Variants in ST3GAL3 observed in about 807,000 individuals in gnomAD.
ST3GAL3 encodes ST3 beta-galactoside alpha-2,3-sialyltransferase 3.
Under a neutral mutation model 50.1 loss-of-function variants are expected in ST3GAL3, and 21 were observed. The observed-to-expected ratio is 0.42, with a 90% CI of 0.30 to 0.60. The LOEUF (loss-of-function observed/expected upper bound fraction) is 0.60. ST3GAL3 is among the 20% of genes least tolerant of loss of function. The pLI, the probability that ST3GAL3 is intolerant of heterozygous loss-of-function variation, is 0.19. For missense variants in ST3GAL3, 353 were observed against 489.4 expected (o/e 0.72, Z 2.63); for synonymous variants, 183 against 190.0 (o/e 0.96, Z 0.30).
Position 43,783,070 on chromosome 1 carries a change from T to A in ST3GAL3, c.119-9032T>A, listed in dbSNP as rs865995421. Among the ~76,000 whole-genome samples, 16 of 134,184 alleles carry A rather than the reference T, an allele frequency of 1.2e-4. No individual in the cohort carries two copies. The South Asian group carries it at 3.8e-3, about 32-fold the overall frequency. 88.0% of individuals were successfully genotyped at this position (134,184 alleles called of 152,430 possible). On this transcript the variant is annotated intron_variant, in intron 2 of 11. Transcript: ENST00000347631. Reference sequence around the variant, plus strand: ...TCTAGTTTGAGGGGGCTCAGATAAATTTTGAACTTTGTGTTACTCTTTTTA... The same window carrying A: ...TCTAGTTTGAGGGGGCTCAGATAAAATTTGAACTTTGTGTTACTCTTTTTA...
chr1:43,715,037 G>T (rs539515099), intron 1 of ST3GAL3, among the ~76,000 whole-genome samples: 57 of 152,206 alleles, frequency 3.7e-4, no homozygotes, highest in African/African-American at 1.3e-3. Context: ...TAACTGAAAG[G>T]TGGCATGTTT....
chr1:43,757,354 C>T (rs1446853398), intron 2 of ST3GAL3, among the ~76,000 whole-genome samples: 1 of 152,104 alleles, frequency 6.6e-6, no homozygotes, highest in African/African-American at 2.4e-5. Context: ...AATAGTCAAA[C>T]CATTTTGAAA....
At chr1:43,854,212 T>C (rs1355159519) in intron 5 of ST3GAL3, among the ~76,000 whole-genome samples, 2 of 152,320 alleles carry the variant, frequency 1.3e-5, no homozygotes, top group Non-Finnish European at 2.9e-5. Flanking sequence ...ACCAGGAATA[T>C]GCAAGACTTG....
intron 1 of ST3GAL3, among the ~76,000 whole-genome samples, chr1:43,712,461 C>G (rs1186001000): frequency 6.6e-6 from 1 of 152,158 alleles, no homozygotes; most frequent in African/African-American, 2.4e-5. Flanking sequence ...TAAGCTCTGC[C>G]AGGCTCTGTG....
chr1:43,860,528 G>A (rs947902501), intron 5 of ST3GAL3, among the ~76,000 whole-genome samples: 1 of 152,252 alleles, frequency 6.6e-6, no homozygotes, highest in Non-Finnish European at 1.5e-5. Flanking sequence ...ACAGCTGCAT[G>A]TAGAGTGAGG....
intron 4 of ST3GAL3, among the ~76,000 whole-genome samples, chr1:43,828,376 T>G (rs1028577549): frequency 6.6e-6 from 1 of 152,072 alleles, no homozygotes; most frequent in African/African-American, 2.4e-5. Flanking sequence ...AAAGCAAAAT[T>G]CAGAAAAGAA....
At chr1:43,878,217 C>T (rs1262019774) in intron 5 of ST3GAL3, among the ~76,000 whole-genome samples, 2 of 152,146 alleles carry the variant, frequency 1.3e-5, no homozygotes, top group Non-Finnish European at 2.9e-5. Flanking sequence ...AATCTCTCTC[C>T]ACCTCTCTCC....
At chr1:43,816,509 A>G (rs1338087558) in intron 4 of ST3GAL3, among the ~76,000 whole-genome samples, 5 of 152,226 alleles carry the variant, frequency 3.3e-5, no homozygotes, top group Admixed American at 1.3e-4. Context: ...GTACTCTGGA[A>G]AAAAACAAAT....
intron 5 of ST3GAL3, among the ~76,000 whole-genome samples, chr1:43,889,660 A>G (rs2076437397): frequency 2.0e-5 from 3 of 152,208 alleles, no homozygotes; most frequent in Admixed American, 2.0e-4. Flanking sequence ...ACCATTATAT[A>G]CATTTTCTAT....
At chr1:43,759,101 A>C (rs1689296893) in intron 2 of ST3GAL3, among the ~76,000 whole-genome samples, 1 of 148,774 alleles carries the variant, frequency 6.7e-6, no homozygotes, top group Admixed American at 6.7e-5. Flanking sequence ...ACACACACAC[A>C]CACACAGAAG....
At chr1:43,743,843 TCC>T (rs10599480) in intron 2 of ST3GAL3, 46,019 of 136,768 alleles carry the variant, frequency 0.34, 7,401 homozygotes, top group Non-Finnish European at 0.36. Flanking sequence ...ATTCTTTCAT[TCC>T]CCCCCCCCCC....
At position 43,838,297 on chromosome 1, in the gene ST3GAL3, G is replaced by C; in HGVS notation, c.288G>C (p.Thr96=). 1 of 1,613,510 alleles carries C rather than the reference G, an allele frequency of 6.2e-7. No individual in the cohort carries two copies. The highest frequency in any genetic ancestry group is 1.1e-5 in the South Asian group (1 of 91,066). ...CKPGYASALM[T]AIFPRFSKPA... Reference sequence around the variant, plus strand: ...CTGGCTATGCTTCAGCCTTGATGACGGCCATCTTCCCCCGGTAAGTGCTCC... The same window carrying C: ...CTGGCTATGCTTCAGCCTTGATGACCGCCATCTTCCCCCGGTAAGTGCTCC... The change falls in exon 5 of 12, where the codon ACG becomes ACC. Residue 96 remains threonine, a synonymous_variant. Coordinates refer to ENST00000347631, the MANE Select transcript of ST3GAL3 (RefSeq NM_006279.5).
chr1:43,774,744 T>C (rs1696541401), intron 2 of ST3GAL3, among the ~76,000 whole-genome samples: 1 of 152,230 alleles, frequency 6.6e-6, no homozygotes, highest in African/African-American at 2.4e-5. Flanking sequence ...TTCCAGATCC[T>C]GTTTTATAGC....
chr1:43,857,636 C>CTTCCTTCCTTCG (rs1558606445), intron 5 of ST3GAL3, among the ~76,000 whole-genome samples: 2 of 147,062 alleles, frequency 1.4e-5, no homozygotes, highest in Admixed American at 1.4e-4. Flanking sequence ...TCCTTCCTTC[C>CTTCCTTCCTTCG]TCGGAGTCTT....
chr1:43,716,785 T>G (rs60366622), intron 1 of ST3GAL3, among the ~76,000 whole-genome samples: 10,796 of 152,086 alleles, frequency 0.071, 1,282 homozygotes, highest in African/African-American at 0.25. Flanking sequence ...CAAGAGAGGT[T>G]TATAAATAGG....
chr1:43,718,852 T>G (rs1668870153), intron 1 of ST3GAL3: 1 of 151,966 alleles, frequency 6.6e-6, no homozygotes, highest in African/African-American at 2.4e-5. Context: ...CACGCTTGGT[T>G]AATTTTTGTA....
intron 2 of ST3GAL3, among the ~76,000 whole-genome samples, chr1:43,751,464 A>G (rs1686040824): frequency 6.6e-6 from 1 of 152,242 alleles, no homozygotes; most frequent in Admixed American, 6.5e-5. Context: ...GGAAACAATA[A>G]AAGATTGAGT....
intron 5 of ST3GAL3, among the ~76,000 whole-genome samples, chr1:43,865,903 A>G (rs1458648115): frequency 6.6e-6 from 1 of 152,152 alleles, no homozygotes. Context: ...TTTGGCACGG[A>G]TTGGTGCCGT....
intron 2 of ST3GAL3, chr1:43,739,463 C>T (rs1366229362): frequency 6.6e-6 from 1 of 152,194 alleles, no homozygotes; most frequent in Non-Finnish European, 1.5e-5. Flanking sequence ...GGTCTTCTCA[C>T]CTCAGCCTCC....
Sources: allele counts gnomAD v4.1 joint callset (sites outside exome capture counted in the v4.1 genomes callset), GRCh38; gene constraint gnomAD v4.1.1; transcripts MANE v1.5; gene names NCBI Gene and HGNC (gene_info 2026-07-23, HGNC 2026-07-21).